Variants in ADAMTSL1 observed in about 807,000 individuals in gnomAD.
The protein encoded by ADAMTSL1 is ADAMTS-like protein 1.
Under a neutral mutation model 201.8 loss-of-function variants are expected in ADAMTSL1, and 126 were observed. The observed-to-expected ratio is 0.62, with a 90% CI of 0.54 to 0.72. The LOEUF is 0.72. ADAMTSL1 is among the 30% of genes least tolerant of loss of function. ADAMTSL1 has a pLI of 0.00. For synonymous variants in ADAMTSL1, 1,121 were observed against 903.4 expected (o/e 1.24, Z -4.32); for missense variants, 2,679 against 2,277.8 (o/e 1.18, Z -3.59).
intron 1 of ADAMTSL1, among the ~76,000 whole-genome samples, chr9:17,946,553 T>C (rs1189278934): frequency 1.3e-5 from 2 of 152,150 alleles, no homozygotes; most frequent in African/African-American, 2.4e-5. Context: ...TGTGAAATTT[T>C]AGGCCTTTTG....
intron 2 of ADAMTSL1, among the ~76,000 whole-genome samples, chr9:18,343,622 G>A (rs1835568593): frequency 6.6e-6 from 1 of 152,080 alleles, no homozygotes; most frequent in Non-Finnish European, 1.5e-5. Context: ...CTTCTCTCAT[G>A]TCTATGCCAC....
intron 1 of ADAMTSL1, among the ~76,000 whole-genome samples, chr9:18,107,084 T>C (rs1824792838): frequency 6.6e-6 from 1 of 152,206 alleles, no homozygotes; most frequent in Admixed American, 6.5e-5. Flanking sequence ...TGCTGTCTTT[T>C]CTTATATCTG....
chr9:18,205,561 A>C (rs1012261772), intron 2 of ADAMTSL1, among the ~76,000 whole-genome samples: 15 of 152,090 alleles, frequency 9.9e-5, no homozygotes, highest in African/African-American at 3.4e-4. Context: ...ACTGACACAC[A>C]GAGGGTCAGG....
intron 1 of ADAMTSL1, among the ~76,000 whole-genome samples, chr9:18,131,098 G>T (rs1237306580): frequency 1.3e-5 from 2 of 152,030 alleles, no homozygotes; most frequent in African/African-American, 4.8e-5. Flanking sequence ...CCTCGAGAAA[G>T]GCCCCATTTG....
chr9:18,085,696 GTA>G (rs985393654), intron 1 of ADAMTSL1, among the ~76,000 whole-genome samples: 6 of 147,158 alleles, frequency 4.1e-5, no homozygotes, highest in Admixed American at 6.8e-5. Context: ...GTGTGTGTGT[GTA>G]TATATATATA....
At chr9:17,960,844 C>G (rs529939940) in intron 1 of ADAMTSL1, among the ~76,000 whole-genome samples, 2 of 152,278 alleles carry the variant, frequency 1.3e-5, no homozygotes, top group East Asian at 3.9e-4. Context: ...CAGTGTCTGG[C>G]ATGTAGTAAA....
intron 2 of ADAMTSL1, among the ~76,000 whole-genome samples, chr9:18,384,260 A>G (rs1268707018): frequency 6.6e-6 from 1 of 152,130 alleles, no homozygotes; most frequent in Non-Finnish European, 1.5e-5. Context: ...CAGGAGAGAC[A>G]GCGAGTGAAG....
chr9:18,500,097 C>T (rs1193424944), intron 1 of ADAMTSL1, among the ~76,000 whole-genome samples: 1 of 152,194 alleles, frequency 6.6e-6, no homozygotes, highest in Admixed American at 6.5e-5. Flanking sequence ...GGAGGTCATT[C>T]TAAGGTGAAG....
At chr9:18,750,018 G>T (rs1013309129) in intron 15 of ADAMTSL1, among the ~76,000 whole-genome samples, 1 of 152,142 alleles carries the variant, frequency 6.6e-6, no homozygotes, top group Non-Finnish European at 1.5e-5. Flanking sequence ...CTTAACCTTG[G>T]GACAGAATTA....
chr9:18,100,649 AT>A (rs1430573780), intron 1 of ADAMTSL1, among the ~76,000 whole-genome samples: 1 of 151,760 alleles, frequency 6.6e-6, no homozygotes, highest in Non-Finnish European at 1.5e-5. Context: ...TTTCTGTGAA[AT>A]TTTGATTCCA....
chr9:18,185,954 G>A (rs1188138980), intron 2 of ADAMTSL1, among the ~76,000 whole-genome samples: 1 of 152,174 alleles, frequency 6.6e-6, no homozygotes, highest in Non-Finnish European at 1.5e-5. Context: ...AGGATTAAAT[G>A]AAGGCATCAT....
intron 1 of ADAMTSL1, among the ~76,000 whole-genome samples, chr9:18,160,582 C>G (rs1378975034): frequency 1.3e-5 from 2 of 151,896 alleles, no homozygotes; most frequent in Non-Finnish European, 2.9e-5. Flanking sequence ...TTTTACATAT[C>G]AAATGTAAAG....
chr9:18,332,890 A>T (rs1430576591), intron 2 of ADAMTSL1, among the ~76,000 whole-genome samples: 1 of 152,146 alleles, frequency 6.6e-6, no homozygotes, highest in Non-Finnish European at 1.5e-5. Context: ...CAACTCTGGC[A>T]CTTATGACCT....
chr9:18,202,894 C>T (rs972819544), intron 2 of ADAMTSL1, among the ~76,000 whole-genome samples: 5 of 152,016 alleles, frequency 3.3e-5, no homozygotes, highest in Non-Finnish European at 7.4e-5. Flanking sequence ...AGAGCTCTTT[C>T]CAGAGTGCTC....
chr9:18,435,202 A>G (rs1416065587), intron 2 of ADAMTSL1, among the ~76,000 whole-genome samples: 1 of 152,220 alleles, frequency 6.6e-6, no homozygotes, highest in African/African-American at 2.4e-5. Flanking sequence ...CCTATTGTAC[A>G]AGGACTTATA....
intron 24 of ADAMTSL1, among the ~76,000 whole-genome samples, chr9:18,888,861 T>A (rs1288998418): frequency 1.3e-5 from 2 of 152,236 alleles, no homozygotes; most frequent in Non-Finnish European, 2.9e-5. Flanking sequence ...ACCATTTGGC[T>A]TTTCAGACAG....
intron 2 of ADAMTSL1, among the ~76,000 whole-genome samples, chr9:18,220,211 G>A (rs553849040): frequency 6.6e-6 from 1 of 152,134 alleles, no homozygotes; most frequent in East Asian, 1.9e-4. Context: ...ATATGATCCA[G>A]TTTTCCATTA....
At chr9:18,675,965 C>A (rs1194667493) in intron 10 of ADAMTSL1, 58 bp downstream of exon 10, 84 of 1,420,806 alleles carry the variant, frequency 5.9e-5, no homozygotes, top group Non-Finnish European at 8.0e-5. Context: ...TGCTGCTTAT[C>A]TATATATATA....
Position 18,412,070 on chromosome 9 carries a change from C to T in ADAMTSL1, c.208-92759C>T, listed in dbSNP as rs539772739. Among the ~76,000 whole-genome samples, 4 of 152,290 alleles carry T rather than the reference C, an allele frequency of 2.6e-5. No individual in the cohort carries two copies. In the East Asian group the frequency reaches 5.8e-4, roughly 22 times the overall value. On this transcript the variant is annotated intron_variant, in intron 2 of 29. Coordinates refer to the ADAMTSL1 transcript ENST00000680146. Reference sequence around the variant, plus strand: ...CATTGACTTGTCAGGGAAACTGGGTCATTTGTCCTAGAATATTCATTCTGG... The same window carrying T: ...CATTGACTTGTCAGGGAAACTGGGTTATTTGTCCTAGAATATTCATTCTGG...
Sources: allele counts gnomAD v4.1 joint callset (sites outside exome capture counted in the v4.1 genomes callset), GRCh38; gene constraint gnomAD v4.1.1; transcripts MANE v1.5; gene names NCBI Gene and HGNC (gene_info 2026-07-23, HGNC 2026-07-21).